The following TFAP2D variants were observed in gnomAD, a reference collection of about 807,000 sequenced individuals.
TFAP2D encodes transcription factor AP-2-delta.
Under a neutral mutation model 43.6 loss-of-function variants are expected in TFAP2D, and 9 were observed. That is an observed-to-expected ratio of 0.21 (90% CI 0.12 to 0.36). TFAP2D has a LOEUF of 0.36. Among genes scored for constraint, TFAP2D ranks in the 10% least tolerant of loss-of-function variants. TFAP2D has a pLI of 1.00. For missense variants in TFAP2D, 513 were observed against 561.4 expected, an observed-to-expected ratio of 0.91 and a Z score of 0.87; for synonymous variants, 256 against 224.9, an observed-to-expected ratio of 1.14 and a Z score of -1.24.
chr6:50,765,073 C>A (rs1017237921), intron 7 of TFAP2D, among the ~76,000 whole-genome samples: 1 of 152,104 alleles, frequency 6.6e-6, no homozygotes, highest in African/African-American at 2.4e-5. Flanking sequence ...ACCTTTTGAC[C>A]AACATCGCCC....
In TFAP2D at chr6:50,772,777, C is replaced by T. The variant is rs370354604; in HGVS notation, c.1272C>T (p.Gly424=). The T allele has an allele frequency of 2.0e-5, 32 of 1,613,958 alleles. No homozygotes were observed. The African/African-American group carries it at 4.0e-4, about 20-fold the overall frequency. Residue 424 remains glycine, a synonymous_variant, in exon 8 of 8, where the codon GGC becomes GGT. Coordinates refer to ENST00000008391, the MANE Select transcript of TFAP2D (RefSeq NM_172238.4). ...THKNGGAADS[G]QGHANSEKAP... is the part of the protein sequence containing the mutation. ...AGAACGGCGGAGCGGCGGATTCTGG[C>T]CAAGGACATGCCAACTCGGAGAAAG...
rs755757977 is a variant in TFAP2D at position 50,715,253 on chromosome 6, C to T, written c.177C>T (p.Tyr59=). 1.6e-5 allele frequency: 26 copies of T among 1,613,944 alleles called. No individual in the cohort carries two copies. Among genetic ancestry groups the T allele is most frequent in the Non-Finnish European group, 1.9e-5 (23 of 1,180,016 alleles). The change falls in exon 2 of 8, where the codon TAC becomes TAT. Residue 59 remains tyrosine, a synonymous_variant. Coordinates refer to ENST00000008391, the MANE Select transcript of TFAP2D (RefSeq NM_172238.4). ...CCGGCACCGAGTTTGCGTCCCCCTA[C>T]TTCTCCACTAACCACCAGTACACCC... ...STTGTEFASP[Y]FSTNHQYTPL...
At chr6:50,720,524 C>T (rs1581758490) in intron 3 of TFAP2D, among the ~76,000 whole-genome samples, 1 of 127,092 alleles carries the variant, frequency 7.9e-6, no homozygotes. Flanking sequence ...CACACACACA[C>T]ACACACACAC....
At chr6:50,743,249 C>T (rs549609151) in intron 5 of TFAP2D, among the ~76,000 whole-genome samples, 10 of 152,174 alleles carry the variant, frequency 6.6e-5, no homozygotes, top group South Asian at 2.1e-4. Context: ...AAACATTAAC[C>T]GCACTAATAT....
intron 7 of TFAP2D, among the ~76,000 whole-genome samples, chr6:50,769,141 G>T (rs980199738): frequency 1.3e-5 from 2 of 151,906 alleles, no homozygotes; most frequent in African/African-American, 4.8e-5. Flanking sequence ...TGGTCTACCT[G>T]CCTTGGCCTC....
intron 1 of TFAP2D, among the ~76,000 whole-genome samples, chr6:50,714,372 T>G: frequency 6.8e-6 from 1 of 148,040 alleles, no homozygotes. Context: ...AAGGGGGGAG[T>G]GAAGAGAAAG....
At position 50,718,128 on chromosome 6, in the gene TFAP2D, T is replaced by C. The variant is rs180765565; in HGVS notation, c.538-962T>C. The stretch of plus-strand genomic sequence containing the variant: ...TTATGCTCAGTCTCCAAGTTTTTTT[T>C]TTTTCATATTGATTTGATAATCACT... On this transcript the variant is annotated intron_variant, in intron 2 of 7. Coordinates refer to ENST00000008391, the MANE Select transcript of TFAP2D (RefSeq NM_172238.4). 17 of 152,128 alleles carry C rather than the reference T, an allele frequency of 1.1e-4. No individual in the cohort carries two copies. The East Asian group carries it at 2.3e-3, about 21-fold the overall frequency. 9.4% of individuals were successfully genotyped at this position (152,128 alleles called of 1,614,324 possible). A position where few individuals can be genotyped will look rare whatever the true frequency, so the allele number is the denominator to read the frequency against.
chr6:50,724,892 C>A (rs1768786232), intron 3 of TFAP2D, among the ~76,000 whole-genome samples: 2 of 151,912 alleles, frequency 1.3e-5, no homozygotes, highest in South Asian at 2.1e-4. Flanking sequence ...GGTTGCCGAG[C>A]GTGCGTGCAT....
chr6:50,732,478 A>G (rs879502498), intron 5 of TFAP2D, among the ~76,000 whole-genome samples: 1 of 152,076 alleles, frequency 6.6e-6, no homozygotes, highest in Non-Finnish European at 1.5e-5. Flanking sequence ...AATATTGAGC[A>G]TAGGAGAAAA....
intron 6 of TFAP2D, among the ~76,000 whole-genome samples, chr6:50,750,315 A>G (rs899245979): frequency 2.6e-5 from 4 of 151,938 alleles, no homozygotes; most frequent in Non-Finnish European, 4.4e-5. Flanking sequence ...CAGACAAAAA[A>G]CCTAATTACT....
At chr6:50,714,716 G>A (rs946199156) in intron 1 of TFAP2D, among the ~76,000 whole-genome samples, 3 of 152,122 alleles carry the variant, frequency 2.0e-5, no homozygotes, top group African/African-American at 7.2e-5. Context: ...CTTTTCGGGT[G>A]GACTCGTTCC....
At chr6:50,727,423 T>C (rs1189691866) in intron 3 of TFAP2D, among the ~76,000 whole-genome samples, 1 of 152,182 alleles carries the variant, frequency 6.6e-6, no homozygotes, top group Non-Finnish European at 1.5e-5. Flanking sequence ...TAATATTCCA[T>C]ATGTGCTAGT....
chr6:50,734,426 GGC>G (rs1768935042), intron 5 of TFAP2D, among the ~76,000 whole-genome samples: 1 of 151,978 alleles, frequency 6.6e-6, no homozygotes, highest in African/African-American at 2.4e-5. Context: ...AAATGTCTTT[GGC>G]TTAACATAAT....
At chr6:50,767,198 G>C (rs2113895290) in intron 7 of TFAP2D, among the ~76,000 whole-genome samples, 1 of 152,228 alleles carries the variant, frequency 6.6e-6, no homozygotes, top group Non-Finnish European at 1.5e-5. Flanking sequence ...TTCTGTCTAG[G>C]ACTGCCAGTA....
chr6:50,745,187 GC>G lies in TFAP2D; in HGVS notation c.966del (p.Arg323AspfsTer15). The G allele has an allele frequency of 6.2e-7, 1 of 1,613,730 alleles. No individual in the cohort carries two copies. Among genetic ancestry groups the G allele is most frequent in the Non-Finnish European group, 8.5e-7 (1 of 1,179,800 alleles). On this transcript the variant is annotated frameshift_variant, in exon 6 of 8. Coordinates refer to ENST00000008391, the MANE Select transcript of TFAP2D (RefSeq NM_172238.4). LOFTEE classifies it high-confidence loss of function. ...FPAKAVGEHL[A>X]RQHMEQKEQT... is the part of the protein sequence containing the mutation. ...AGCCAAAGCAGTAGGAGAACATCTTGCCAGACAACATATGGAACAGAAAGAA... is the reference window on the plus strand; with the variant it reads ...AGCCAAAGCAGTAGGAGAACATCTTGCAGACAACATATGGAACAGAAAGAA...
At chr6:50,724,870 G>T (rs1768786012) in intron 3 of TFAP2D, among the ~76,000 whole-genome samples, 1 of 151,884 alleles carries the variant, frequency 6.6e-6, no homozygotes. Context: ...GGGGTTGGGT[G>T]GCCTATAATC....
At chr6:50,770,280 T>G (rs768505050) in intron 7 of TFAP2D, among the ~76,000 whole-genome samples, 38 of 152,362 alleles carry the variant, frequency 2.5e-4, no homozygotes, top group Middle Eastern at 6.8e-3. Flanking sequence ...TTTTCCTGTT[T>G]GGCAATGCAA....
rs780621262 is a variant in TFAP2D, at chr6:50,715,235, C to A, written c.159C>A (p.Thr53=). The change falls in exon 2 of 8, where the codon ACC becomes ACA. Residue 53 remains threonine, a synonymous_variant. Transcript: ENST00000008391. ...CTTTAACTTACTCCACCACCGGCAC[C>A]GAGTTTGCGTCCCCCTACTTCTCCA... ...SSPLTYSTTG[T]EFASPYFSTN... 4 of 1,614,044 alleles carry A rather than the reference C, an allele frequency of 2.5e-6. No individual in the cohort carries two copies. Among genetic ancestry groups the A allele is most frequent in the Non-Finnish European group, 3.4e-6 (4 of 1,180,012 alleles).
At chr6:50,750,308 A>G (rs779011286) in intron 6 of TFAP2D, among the ~76,000 whole-genome samples, 3 of 151,978 alleles carry the variant, frequency 2.0e-5, no homozygotes, top group Non-Finnish European at 4.4e-5. Context: ...GTAAAAACAG[A>G]CAAAAAACCT....
Sources: allele counts gnomAD v4.1 joint callset (sites outside exome capture counted in the v4.1 genomes callset), GRCh38; gene constraint gnomAD v4.1.1; transcripts MANE v1.5; gene names NCBI Gene and HGNC (gene_info 2026-07-23, HGNC 2026-07-21).